Variants in CSMD1 observed in about 807,000 individuals in gnomAD.
The protein encoded by CSMD1 is CUB and Sushi multiple domains 1, also known as CUB and sushi domain-containing protein 1.
A neutral mutation model predicts 417.5 loss-of-function variants in CSMD1; 213 were observed. The observed-to-expected ratio is 0.51, with a 90% CI of 0.46 to 0.57. The LOEUF (loss-of-function observed/expected upper bound fraction) is 0.57, where lower values mean the gene tolerates loss of function less well. CSMD1 is among the 20% of genes least tolerant of loss of function. The probability of loss-of-function intolerance (pLI) is 0.00; values close to 1 mark genes in which losing one functional copy is unlikely to be tolerated. For missense variants in CSMD1, 6,923 were observed against 4,529.7 expected (o/e 1.53, Z -15.17); for synonymous variants, 2,862 against 1,736.8 (o/e 1.65, Z -16.11).
At chr8:3,482,665 A>G (rs991051670) in intron 11 of CSMD1, among the ~76,000 whole-genome samples, 11 of 152,188 alleles carry the variant, frequency 7.2e-5, no homozygotes, top group African/African-American at 2.7e-4. Context: ...GGAACTCTCA[A>G]CTCAATACAC....
At chr8:3,274,293 C>T (rs1002189982) in intron 26 of CSMD1, among the ~76,000 whole-genome samples, 122 of 152,182 alleles carry the variant, frequency 8.0e-4, no homozygotes, top group African/African-American at 2.7e-3. Context: ...GTCTGAGAGA[C>T]AGTTTGTTAC....
intron 11 of CSMD1, among the ~76,000 whole-genome samples, chr8:3,483,922 T>C (rs555069954): frequency 2.0e-5 from 3 of 152,178 alleles, no homozygotes; most frequent in Admixed American, 6.5e-5. Flanking sequence ...AAAGAAACAT[T>C]TGACGATTCA....
intron 1 of CSMD1, among the ~76,000 whole-genome samples, chr8:4,650,347 GAAAAAAAAA>G (rs61642390): frequency 1.5e-4 from 12 of 78,268 alleles, no homozygotes; most frequent in African/African-American, 4.3e-4. Context: ...TCCGTCTCAA[GAAAAAAAAA>G]AAAAAAAAAA....
intron 7 of CSMD1, among the ~76,000 whole-genome samples, chr8:3,652,631 T>G (rs1797916003): frequency 6.6e-6 from 1 of 152,122 alleles, no homozygotes; most frequent in African/African-American, 2.4e-5. Flanking sequence ...AGCTCCCATT[T>G]ATGGAACCAT....
At chr8:4,050,054 C>A (rs567222967) in intron 3 of CSMD1, among the ~76,000 whole-genome samples, 3 of 152,122 alleles carry the variant, frequency 2.0e-5, no homozygotes, top group Non-Finnish European at 4.4e-5. Context: ...GAATGTCCCT[C>A]CTGTGGAACT....
intron 6 of CSMD1, among the ~76,000 whole-genome samples, chr8:3,749,538 G>C (rs532365166): frequency 2.6e-5 from 4 of 152,284 alleles, no homozygotes; most frequent in South Asian, 2.1e-4. Context: ...TAAGGGAAGA[G>C]TAGAAAGAAT....
At chr8:4,363,368 G>C (rs181185105) in intron 3 of CSMD1, among the ~76,000 whole-genome samples, 1 of 152,064 alleles carries the variant, frequency 6.6e-6, no homozygotes, top group African/African-American at 2.4e-5. Context: ...GTATGCATGT[G>C]CGTGCATGCT....
intron 2 of CSMD1, among the ~76,000 whole-genome samples, chr8:4,464,540 A>G (rs966825567): frequency 6.6e-6 from 1 of 152,158 alleles, no homozygotes; most frequent in African/African-American, 2.4e-5. Context: ...TATTGAACTA[A>G]AAGTGAAAAG....
At chr8:4,667,440 G>GAA (rs200681585) in intron 1 of CSMD1, among the ~76,000 whole-genome samples, 4 of 141,494 alleles carry the variant, frequency 2.8e-5, no homozygotes. Context: ...GAACAATTTA[G>GAA]AAAAAAAAAA....
intron 51 of CSMD1, among the ~76,000 whole-genome samples, chr8:3,029,005 G>C (rs975446934): frequency 1.3e-5 from 2 of 152,088 alleles, no homozygotes; most frequent in Non-Finnish European, 2.9e-5. Context: ...TGAATAGTCT[G>C]TCTATGGCGT....
chr8:3,509,747 T>C (rs1214218133), intron 10 of CSMD1, among the ~76,000 whole-genome samples: 1 of 152,190 alleles, frequency 6.6e-6, no homozygotes, highest in Non-Finnish European at 1.5e-5. Context: ...GAGTGATATT[T>C]TGTTCTAGAA....
At chr8:3,959,961 C>T (rs1056984271) in intron 5 of CSMD1, among the ~76,000 whole-genome samples, 14 of 152,160 alleles carry the variant, frequency 9.2e-5, no homozygotes, top group African/African-American at 3.4e-4. Context: ...GGTACTTGAA[C>T]ATTTACGAAA....
chr8:3,759,923 A>G (rs1384914886), intron 5 of CSMD1, among the ~76,000 whole-genome samples: 3 of 151,428 alleles, frequency 2.0e-5, no homozygotes, highest in Non-Finnish European at 2.9e-5. Flanking sequence ...AAAAAAAAAA[A>G]AAATGAGGAA....
At chr8:4,900,594 C>G (rs1044883988) in intron 1 of CSMD1, among the ~76,000 whole-genome samples, 1 of 152,190 alleles carries the variant, frequency 6.6e-6, no homozygotes, top group Admixed American at 6.5e-5. Flanking sequence ...CTTCTGATTT[C>G]CAGCATCTCT....
chr8:3,227,080 T>G (rs900512449), intron 27 of CSMD1, among the ~76,000 whole-genome samples: 1 of 152,130 alleles, frequency 6.6e-6, no homozygotes, highest in African/African-American at 2.4e-5. Flanking sequence ...GATGGCAGGT[T>G]AAATCGGTGT....
intron 5 of CSMD1, among the ~76,000 whole-genome samples, chr8:3,866,345 C>A (rs561982724): frequency 1.3e-5 from 2 of 152,118 alleles, no homozygotes; most frequent in African/African-American, 4.8e-5. Context: ...GCATTTCTGT[C>A]CTTTTACTGG....
At chr8:4,101,073 C>T (rs1304873039) in intron 3 of CSMD1, among the ~76,000 whole-genome samples, 1 of 152,138 alleles carries the variant, frequency 6.6e-6, no homozygotes, top group Admixed American at 6.5e-5. Context: ...GACGAGACGG[C>T]GCTGGGTTCA....
At chr8:3,694,048 TTG>T (rs1192078605) in intron 7 of CSMD1, among the ~76,000 whole-genome samples, 1 of 148,530 alleles carries the variant, frequency 6.7e-6, no homozygotes, top group Non-Finnish European at 1.5e-5. Context: ...GGTATGTGTG[TTG>T]TGTTAGTGTG....
intron 5 of CSMD1, among the ~76,000 whole-genome samples, chr8:3,952,261 T>G (rs1483455071): frequency 6.6e-6 from 1 of 152,144 alleles, no homozygotes; most frequent in Non-Finnish European, 1.5e-5. Flanking sequence ...CTTATTCTCC[T>G]GAGCACACAG....
Sources: allele counts gnomAD v4.1 joint callset (sites outside exome capture counted in the v4.1 genomes callset), GRCh38; gene constraint gnomAD v4.1.1; transcripts MANE v1.5; gene names NCBI Gene and HGNC (gene_info 2026-07-23, HGNC 2026-07-21).